Variants in FAM227B observed in about 807,000 individuals in gnomAD.
FAM227B encodes protein FAM227B.
A neutral mutation model predicts 73.8 loss-of-function variants in FAM227B; 88 were observed. The ratio of observed to expected loss-of-function variants is 1.19; its 90% CI spans 1.00 to 1.42. The LOEUF is 1.42. Ranked by LOEUF, FAM227B falls within the 40% of genes most tolerant of loss-of-function variation. FAM227B has a pLI of 0.00. For synonymous variants in FAM227B, 210 were observed against 190.5 expected, an observed-to-expected ratio of 1.10 and a Z score of -0.84; for missense variants, 632 against 590.9, an observed-to-expected ratio of 1.07 and a Z score of -0.72.
intron 11 of FAM227B, among the ~76,000 whole-genome samples, chr15:49,373,480 G>A (rs2045971765): frequency 6.6e-6 from 1 of 151,956 alleles, no homozygotes; most frequent in African/African-American, 2.4e-5. Context: ...TGCTTCTTCT[G>A]TTCTCAGCAT....
At chr15:49,391,288 T>C (rs2047198487) in intron 11 of FAM227B, among the ~76,000 whole-genome samples, 2 of 152,156 alleles carry the variant, frequency 1.3e-5, no homozygotes, top group South Asian at 4.1e-4. Context: ...CAGAGACCCC[T>C]CTTAGGGGCC....
intron 9 of FAM227B, among the ~76,000 whole-genome samples, chr15:49,559,770 AC>A (rs1178896722): frequency 6.6e-6 from 1 of 152,112 alleles, no homozygotes; most frequent in Non-Finnish European, 1.5e-5. Flanking sequence ...CCCCGTCTCT[AC>A]TAAAAATACA....
intron 11 of FAM227B, among the ~76,000 whole-genome samples, chr15:49,477,438 G>A (rs1462315814): frequency 6.6e-6 from 1 of 152,120 alleles, no homozygotes; most frequent in Non-Finnish European, 1.5e-5. Flanking sequence ...ACAGTATGTG[G>A]CTTTTTCAGA....
intron 11 of FAM227B, among the ~76,000 whole-genome samples, chr15:49,383,463 T>C (rs1009024502): frequency 3.3e-5 from 5 of 152,130 alleles, no homozygotes; most frequent in African/African-American, 1.2e-4. Flanking sequence ...CAATATAGTA[T>C]AAACATAACT....
At chr15:49,389,440 G>GCAA (rs1334545199) in intron 11 of FAM227B, among the ~76,000 whole-genome samples, 1 of 151,876 alleles carries the variant, frequency 6.6e-6, no homozygotes, top group Admixed American at 6.6e-5. Context: ...CTACCAGTAT[G>GCAA]CAAAGGCATA....
At chr15:49,407,306 C>T (rs1015795693) in intron 11 of FAM227B, among the ~76,000 whole-genome samples, 1 of 152,316 alleles carries the variant, frequency 6.6e-6, no homozygotes, top group Admixed American at 6.5e-5. Context: ...GCCAGTTCAA[C>T]TGGCCCATTC....
chr15:49,412,519 G>A (rs2151691341), intron 11 of FAM227B, among the ~76,000 whole-genome samples: 2 of 151,388 alleles, frequency 1.3e-5, no homozygotes, highest in African/African-American at 4.8e-5. Context: ...TTTTTTCTCA[G>A]TGTCACAAGA....
intron 8 of FAM227B, among the ~76,000 whole-genome samples, chr15:49,573,733 A>G (rs575195332): frequency 9.2e-5 from 14 of 152,274 alleles, no homozygotes; most frequent in African/African-American, 3.4e-4. Context: ...CTGTTATTGT[A>G]GCACAAAACC....
chr15:49,492,888 A>G (rs989174350), intron 11 of FAM227B, among the ~76,000 whole-genome samples: 6 of 151,940 alleles, frequency 3.9e-5, no homozygotes, highest in Non-Finnish European at 7.4e-5. Context: ...ATTAAATAGC[A>G]TGGTCTTCTA....
chr15:49,541,688 C>A lies in FAM227B; in HGVS notation c.866G>T (p.Trp289Leu). 1 of 1,502,042 alleles carries A rather than the reference C, an allele frequency of 6.7e-7. No homozygotes were observed. Among genetic ancestry groups the A allele is most frequent in the South Asian group, 1.4e-5 (1 of 69,330 alleles). 93.0% of individuals were successfully genotyped at this position (1,502,042 alleles called of 1,614,324 possible). The change falls in exon 10 of 16, where the codon TGG (tryptophan) becomes TTG (leucine). Residue 289 changes from tryptophan (W) to leucine (L), a missense_variant. Coordinates refer to ENST00000299338, the MANE Select transcript of FAM227B (RefSeq NM_152647.3). The part of the protein sequence containing the change: ...KEDLGNNIFL[W>L]CSGLKPQKGF... Reference sequence around the variant, plus strand: ...AAATGATATATTCATACCTGAACACCAAAGAAAAATGTTATTCCCTAGATC... The same window carrying A: ...AAATGATATATTCATACCTGAACACAAAAGAAAAATGTTATTCCCTAGATC...
At chr15:49,420,568 A>C (rs1336363486) in intron 11 of FAM227B, among the ~76,000 whole-genome samples, 1 of 152,218 alleles carries the variant, frequency 6.6e-6, no homozygotes, top group African/African-American at 2.4e-5. Context: ...ACTAATAAAA[A>C]GAATTATCTA....
intron 11 of FAM227B, among the ~76,000 whole-genome samples, chr15:49,466,471 T>G (rs768923541): frequency 6.6e-6 from 1 of 152,032 alleles, no homozygotes. Context: ...TAGGCTGGAG[T>G]CAGATTTTGG....
chr15:49,511,315 G>A (rs570642189), intron 10 of FAM227B, among the ~76,000 whole-genome samples: 1 of 152,088 alleles, frequency 6.6e-6, no homozygotes, highest in South Asian at 2.1e-4. Context: ...TACCTTCCAA[G>A]AACCTTAGCT....
chr15:49,496,114 T>C (rs1243785209), intron 11 of FAM227B, among the ~76,000 whole-genome samples: 2 of 152,146 alleles, frequency 1.3e-5, no homozygotes, highest in Admixed American at 6.5e-5. Flanking sequence ...GGCTATTACT[T>C]TAAATATTTC....
chr15:49,407,625 A>C (rs2048605153), intron 11 of FAM227B, among the ~76,000 whole-genome samples: 1 of 148,024 alleles, frequency 6.8e-6, no homozygotes, highest in Admixed American at 6.8e-5. Context: ...GTACTAATAT[A>C]TATGTATTTA....
intron 10 of FAM227B, among the ~76,000 whole-genome samples, chr15:49,525,718 A>ATATG (rs1567487625): frequency 1.1e-5 from 1 of 92,346 alleles, no homozygotes; most frequent in African/African-American, 3.9e-5. Context: ...ATATATATAT[A>ATATG]TCACAAACAG....
intron 14 of FAM227B, 60 bp from the exon 15 acceptor site, chr15:49,331,909 T>C (rs2038839866): frequency 1.1e-6 from 1 of 930,402 alleles, no homozygotes; most frequent in African/African-American, 1.6e-5. Flanking sequence ...TGACACCATC[T>C]AAATAGCCAA....
At chr15:49,456,586 T>G (rs1034795195) in intron 11 of FAM227B, among the ~76,000 whole-genome samples, 1 of 152,118 alleles carries the variant, frequency 6.6e-6, no homozygotes, top group Non-Finnish European at 1.5e-5. Context: ...TCCTTTGCCT[T>G]TCTCTTCTCA....
At chr15:49,391,849 C>T (rs2151574404) in intron 11 of FAM227B, among the ~76,000 whole-genome samples, 1 of 152,178 alleles carries the variant, frequency 6.6e-6, no homozygotes, top group South Asian at 2.1e-4. Context: ...AGAGCCCTTG[C>T]TTATAGGCCA....
Sources: allele counts gnomAD v4.1 joint callset (sites outside exome capture counted in the v4.1 genomes callset), GRCh38; gene constraint gnomAD v4.1.1; transcripts MANE v1.5; gene names NCBI Gene and HGNC (gene_info 2026-07-23, HGNC 2026-07-21).